Variants in KIAA1217 observed in about 807,000 individuals in gnomAD.
KIAA1217 encodes the protein KIAA1217.
A neutral mutation model predicts 163.9 loss-of-function variants in KIAA1217; 88 were observed. That is an observed-to-expected ratio of 0.54 (90% CI 0.45 to 0.64). KIAA1217 has a LOEUF of 0.64. KIAA1217 is among the 30% of genes least tolerant of loss of function. The probability of loss-of-function intolerance (pLI) is 0.00; values close to 1 mark genes in which losing one functional copy is unlikely to be tolerated. For missense variants in KIAA1217, 2,372 were observed against 2,475.0 expected (o/e 0.96, Z 0.88); for synonymous variants, 903 against 923.1 (o/e 0.98, Z 0.39).
At chr10:24,274,658 G>A (rs1030975074) in intron 2 of KIAA1217, among the ~76,000 whole-genome samples, 1 of 152,036 alleles carries the variant, frequency 6.6e-6, no homozygotes, top group African/African-American at 2.4e-5. Flanking sequence ...GAATTTCCTA[G>A]GGGAAATACA....
chr10:24,508,286 G>A (rs1272747397), intron 9 of KIAA1217, among the ~76,000 whole-genome samples: 1 of 152,152 alleles, frequency 6.6e-6, no homozygotes, highest in Non-Finnish European at 1.5e-5. Flanking sequence ...GAAAAAGCAT[G>A]TAACAAAATT....
chr10:24,212,337 C>A (rs2068246304), intron 1 of KIAA1217, among the ~76,000 whole-genome samples: 1 of 152,072 alleles, frequency 6.6e-6, no homozygotes, highest in African/African-American at 2.4e-5. Context: ...GAGGAGCAAT[C>A]TTTTGATAGA....
At position 23,725,239 on chromosome 10, in the gene KIAA1217, A is replaced by C. The variant is rs72771446; in HGVS notation, c.-321+30005A>C. On this transcript the variant is annotated intron_variant, in intron 1 of 18. Coordinates refer to the KIAA1217 transcript ENST00000376462. ...GTGGAGCAGGACCTAAAAACTGAAG[A>C]TTTTAATAAAACAGTGTGACTGATT... Among the ~76,000 whole-genome samples, 696 of 152,312 alleles carry C rather than the reference A, an allele frequency of 4.6e-3. 3 individuals carry two copies. Among genetic ancestry groups the C allele is most frequent in the Non-Finnish European group, 5.9e-3 (400 of 68,028 alleles).
At chr10:23,785,457 C>T (rs1835449735) in intron 1 of KIAA1217, among the ~76,000 whole-genome samples, 1 of 152,168 alleles carries the variant, frequency 6.6e-6, no homozygotes. Context: ...CCCCATTAGA[C>T]TTTGGGCACT....
At chr10:24,046,471 AG>A (rs1277584292) in intron 2 of KIAA1217, among the ~76,000 whole-genome samples, 5 of 152,226 alleles carry the variant, frequency 3.3e-5, no homozygotes, top group Admixed American at 6.5e-5. Flanking sequence ...TAATTGACTC[AG>A]TTCTGCATGG....
intron 20 of KIAA1217, 151 bp downstream of exon 20, chr10:24,545,254 C>A (rs1418271683): frequency 1.4e-6 from 2 of 1,433,014 alleles, no homozygotes; most frequent in Non-Finnish European, 9.2e-7. Context: ...TCTAAATAAA[C>A]CTTTGTTACA....
At chr10:24,283,418 G>A (rs1351183177) in intron 2 of KIAA1217, among the ~76,000 whole-genome samples, 1 of 152,104 alleles carries the variant, frequency 6.6e-6, no homozygotes, top group Non-Finnish European at 1.5e-5. Context: ...TGTAATCCCA[G>A]CACTTTGGGA....
At chr10:24,061,707 C>A (rs997308831) in intron 2 of KIAA1217, among the ~76,000 whole-genome samples, 17 of 152,192 alleles carry the variant, frequency 1.1e-4, no homozygotes, top group African/African-American at 4.1e-4. Flanking sequence ...ATATATCATC[C>A]CACTCCCTTC....
chr10:23,753,213 A>G (rs1179164110), intron 1 of KIAA1217, among the ~76,000 whole-genome samples: 1 of 152,196 alleles, frequency 6.6e-6, no homozygotes, highest in Admixed American at 6.5e-5. Flanking sequence ...ACTGGCTAAG[A>G]CCAGTGGCAT....
At chr10:23,704,130 A>G (rs975079542) in intron 1 of KIAA1217, among the ~76,000 whole-genome samples, 15 of 104,510 alleles carry the variant, frequency 1.4e-4, no homozygotes, top group African/African-American at 6.2e-4. Flanking sequence ...ACATATATGC[A>G]TGTATGTGTG....
At position 23,934,577 on chromosome 10, in the gene KIAA1217, A is replaced by ATGTGTGTGTGTGTG. The variant is rs1302431868; in HGVS notation, c.-320-72647_-320-72646insGTGTGTGTGTGTGT. Among the ~76,000 whole-genome samples, 57 of 57,896 alleles carry ATGTGTGTGTGTGTG rather than the reference A, an allele frequency of 9.8e-4. 2 individuals carry two copies. The African/African-American group carries it at 0.01, about 10-fold the overall frequency. The allele number at this position is 57,896 out of a possible 152,430, so 38.0% of individuals were successfully genotyped here. ...TTAAAGTATATATATATATATATAT[A>ATGTGTGTGTGTGTG]TATATATATATATGTATATATATAT... On this transcript the variant is annotated intron_variant, in intron 1 of 18. Transcript: ENST00000376462.
chr10:24,075,613 T>A (rs1239402936), intron 2 of KIAA1217, among the ~76,000 whole-genome samples: 1 of 151,640 alleles, frequency 6.6e-6, no homozygotes, highest in Admixed American at 6.6e-5. Context: ...TATCTTTTTT[T>A]TTTTTTTTGA....
At chr10:23,908,132 G>A (rs1842251096) in intron 1 of KIAA1217, among the ~76,000 whole-genome samples, 1 of 152,118 alleles carries the variant, frequency 6.6e-6, no homozygotes, top group Non-Finnish European at 1.5e-5. Context: ...CAGATGGCAG[G>A]GAGGCAAGTG....
At chr10:23,789,947 A>G (rs1422754820) in intron 1 of KIAA1217, among the ~76,000 whole-genome samples, 1 of 99,046 alleles carries the variant, frequency 1.0e-5, no homozygotes, top group Non-Finnish European at 2.2e-5. Flanking sequence ...ATATACATAT[A>G]CATGTATATA....
chr10:24,525,215 C>A (rs1428544214), intron 13 of KIAA1217, among the ~76,000 whole-genome samples: 1 of 152,152 alleles, frequency 6.6e-6, no homozygotes, highest in Non-Finnish European at 1.5e-5. Flanking sequence ...AGAAATGTAA[C>A]AATCAGCTCT....
At chr10:24,059,862 G>A (rs867293232) in intron 2 of KIAA1217, among the ~76,000 whole-genome samples, 7 of 152,184 alleles carry the variant, frequency 4.6e-5, no homozygotes, top group Admixed American at 1.3e-4. Context: ...ACTGCGCCTG[G>A]CCTCTATGCG....
At chr10:23,832,981 C>G (rs914303042) in intron 1 of KIAA1217, among the ~76,000 whole-genome samples, 1 of 152,036 alleles carries the variant, frequency 6.6e-6, no homozygotes, top group Non-Finnish European at 1.5e-5. Context: ...AAGAACTGCC[C>G]CCATGATTCA....
intron 2 of KIAA1217, among the ~76,000 whole-genome samples, chr10:24,153,105 C>CA (rs1413655723): frequency 2.6e-5 from 4 of 152,194 alleles, no homozygotes; most frequent in Non-Finnish European, 1.5e-5. Context: ...GTTTGCCCAT[C>CA]ACAGGACTTC....
At chr10:24,177,637 A>G (rs2065974684) in intron 2 of KIAA1217, among the ~76,000 whole-genome samples, 1 of 151,978 alleles carries the variant, frequency 6.6e-6, no homozygotes, top group Non-Finnish European at 1.5e-5. Context: ...ATGTCTACAA[A>G]GATGACAGTT....
Sources: allele counts gnomAD v4.1 joint callset (sites outside exome capture counted in the v4.1 genomes callset), GRCh38; gene constraint gnomAD v4.1.1; transcripts MANE v1.5; gene names NCBI Gene and HGNC (gene_info 2026-07-23, HGNC 2026-07-21).